The following SPATA33 variants were observed in gnomAD, a reference collection of about 807,000 sequenced individuals.
SPATA33 encodes the protein spermatogenesis-associated protein 33.
In SPATA33, 10 loss-of-function variants were observed where a neutral mutation model predicts 8.9. The ratio of observed to expected loss-of-function variants is 1.12; its 90% CI spans 0.69 to 1.90. SPATA33 has a LOEUF of 1.90. SPATA33 is among the 40% of genes most tolerant of loss of function. The pLI is 0.00. For missense variants in SPATA33, 241 were observed against 178.3 expected (o/e 1.35, Z -2.00); for synonymous variants, 96 against 72.8 (o/e 1.32, Z -1.63).
At chr16:89,663,456 G>A (rs889075837) in intron 2 of SPATA33, among the ~76,000 whole-genome samples, 17 of 152,032 alleles carry the variant, frequency 1.1e-4, no homozygotes, top group Admixed American at 4.6e-4. Flanking sequence ...CAGGTGATCC[G>A]CTTGCCTCAA....
rs1209326942 is a variant in SPATA33 at position 89,658,359 on chromosome 16, T to C, written c.149T>C (p.Val50Ala). 6 of 1,613,510 alleles carry C rather than the reference T, an allele frequency of 3.7e-6. No homozygotes were observed. In the Admixed American group the frequency reaches 6.7e-5, roughly 18 times the overall value. The change falls in exon 2 of 3, where the codon GTG becomes GCG. Residue 50 changes from valine to alanine, a missense_variant. Physicochemically the swap from Val to Ala is moderately conservative, Grantham distance 64 (BLOSUM62 0). Transcript: ENST00000579310. ...GCAGACAGGGAGTCGGAGAAGCCTG[T>C]GGACAGCCTCCACCCGGGGGCCGGG... ...RQADRESEKP[V>A]DSLHPGAGTA...
chr16:89,667,947 G>C (rs1037285914), intron 2 of SPATA33: 8 of 152,396 alleles, frequency 5.2e-5, no homozygotes, highest in South Asian at 2.1e-4. Context: ...TGGGTTGTCA[G>C]AGACCTATAG....
Position 89,669,377 on chromosome 16 carries a change from T to C in SPATA33, c.303T>C (p.Ser101=), listed in dbSNP as rs781768103. ...GAGCGTCGAATGAGACGCTAGTCAG[T>C]TGCAGTTCCAGCGGGAGTGACCAGC... ...ITRASNETLV[S]CSSSGSDQQR... Residue 101 remains serine (S), a synonymous_variant, in exon 3 of 3, where the codon AGT becomes AGC. Transcript: ENST00000579310. 27 of 1,614,218 alleles carry C rather than the reference T, an allele frequency of 1.7e-5. No homozygotes were observed. The South Asian group carries it at 3.0e-4, about 18-fold the overall frequency.
In SPATA33 at chr16:89,669,754, C is replaced by G; in HGVS notation, c.*257C>G. 1 of 508,240 alleles carries G rather than the reference C, an allele frequency of 2.0e-6. No individual in the cohort carries two copies. 31.5% of individuals were successfully genotyped at this position (508,240 alleles called of 1,614,324 possible). A position where few individuals can be genotyped will look rare whatever the true frequency, so the allele number is the denominator to read the frequency against. On this transcript the variant is annotated 3_prime_UTR_variant, in exon 3 of 3. Coordinates refer to ENST00000579310, the MANE Select transcript of SPATA33 (RefSeq NM_001271907.2). ...GAGGGTGCACCAGGCCTGCCCCCGC[C>G]GTGAGAAACTGCAGTCCCCTTCTCC... is the stretch of plus-strand genomic sequence containing the variant.
At chr16:89,663,067 C>A (rs1355048948) in intron 2 of SPATA33, among the ~76,000 whole-genome samples, 1 of 152,006 alleles carries the variant, frequency 6.6e-6, no homozygotes, top group East Asian at 1.9e-4. Context: ...GCCAGTGTTA[C>A]AGGTGTGAGC....
intron 2 of SPATA33, among the ~76,000 whole-genome samples, chr16:89,662,984 G>T (rs1185291169): frequency 6.6e-6 from 1 of 151,050 alleles, no homozygotes; most frequent in East Asian, 2.0e-4. Flanking sequence ...AGTAGAGACG[G>T]GGTTTCACCA....
chr16:89,665,365 G>A lies in SPATA33; in HGVS notation c.212-3921G>A, dbSNP rs2060012460. ...TCGCCACCCAGGCTGGACTGCAATGGTGCATCTCTGCTCACTGCAAGCTCC... is the reference window on the plus strand; with the variant it reads ...TCGCCACCCAGGCTGGACTGCAATGATGCATCTCTGCTCACTGCAAGCTCC... On this transcript the variant is annotated intron_variant, in intron 2 of 2. Coordinates refer to ENST00000579310, the MANE Select transcript of SPATA33 (RefSeq NM_001271907.2). Among the ~76,000 whole-genome samples, 3 of 151,620 alleles carry A rather than the reference G, an allele frequency of 2.0e-5. No individual in the cohort carries two copies. In the South Asian group the frequency reaches 6.2e-4, roughly 32 times the overall value.
rs531084822 is a variant in SPATA33 at position 89,657,874 on chromosome 16, G to T, written c.-38G>T. ...GGCTCCGCGGCCGCGGAGGTGTGGGGACCCGGGCTTGCGTCGGAGGGGGCG... is the reference window on the plus strand; with the variant it reads ...GGCTCCGCGGCCGCGGAGGTGTGGGTACCCGGGCTTGCGTCGGAGGGGGCG... On this transcript the variant is annotated 5_prime_UTR_variant, in exon 1 of 3. Transcript: ENST00000579310. 5.3e-5 allele frequency: 81 copies of T among 1,515,936 alleles called. 1 individual carries two copies. In the South Asian group the frequency reaches 5.7e-4, roughly 11 times the overall value. The allele number at this position is 1,515,936 out of a possible 1,614,324, so 93.9% of individuals were successfully genotyped here.
Position 89,665,432 on chromosome 16 carries a change from A to C in SPATA33, c.212-3854A>C, listed in dbSNP as rs1026918754. Among the ~76,000 whole-genome samples, 5 of 150,570 alleles carry C rather than the reference A, an allele frequency of 3.3e-5. No homozygotes were observed. In the East Asian group the frequency reaches 9.7e-4, roughly 29 times the overall value. On this transcript the variant is annotated intron_variant, in intron 2 of 2. Transcript: ENST00000579310. ...CCATTCTCCTGTCTCAGCCTCCCGC[A>C]TAGCTGGGACTACAGGTGCCTGCCA... is the stretch of plus-strand genomic sequence containing the variant.
chr16:89,663,382 T>C (rs183494486), intron 2 of SPATA33, among the ~76,000 whole-genome samples: 1 of 152,026 alleles, frequency 6.6e-6, no homozygotes, highest in Admixed American at 6.6e-5. Flanking sequence ...CCAGCTAATC[T>C]TTGTATTTTT....
rs953994904 is a variant in SPATA33, at chr16:89,669,938, C to A, written c.*441C>A. 3.3e-5 allele frequency: 6 copies of A among 180,514 alleles called. No individual in the cohort carries two copies. Among genetic ancestry groups the A allele is most frequent in the Non-Finnish European group, 7.0e-5 (6 of 85,846 alleles). 11.2% of individuals were successfully genotyped at this position (180,514 alleles called of 1,614,324 possible). ...TCTCGGGGAGGGTGCACCAGGGCTG[C>A]CCCACGCTGTAAGAAGCCGCCGCCC... On this transcript the variant is annotated 3_prime_UTR_variant, in exon 3 of 3. Transcript: ENST00000579310.
At chr16:89,663,587 G>T (rs763885693) in intron 2 of SPATA33, among the ~76,000 whole-genome samples, 25 of 152,096 alleles carry the variant, frequency 1.6e-4, no homozygotes, top group Non-Finnish European at 3.1e-4. Flanking sequence ...CAAAATTATA[G>T]ACAGGGAGGA....
intron 2 of SPATA33, among the ~76,000 whole-genome samples, chr16:89,663,884 C>T (rs1324521936): frequency 2.6e-5 from 4 of 152,144 alleles, no homozygotes; most frequent in African/African-American, 9.7e-5. Flanking sequence ...TTTGGGAAGC[C>T]TAGGCAGGCA....
intron 2 of SPATA33, chr16:89,667,867 G>T (rs2060047312): frequency 6.6e-6 from 1 of 152,276 alleles, no homozygotes; most frequent in African/African-American, 2.4e-5. Context: ...GTTGGCCTCT[G>T]TGTCTCCCCT....
chr16:89,658,396 C>T lies in SPATA33; in HGVS notation c.186C>T (p.His62=), dbSNP rs371667678. Reference sequence around the variant, plus strand: ...ACCCGGGGGCCGGGACAGCCAAGCACCCGCCGCCGGCAGCTTCGCTGGAAG... The same window carrying T: ...ACCCGGGGGCCGGGACAGCCAAGCATCCGCCGCCGGCAGCTTCGCTGGAAG... The part of the protein sequence containing the change: ...SLHPGAGTAK[H]PPPAASLEEK... The change falls in exon 2 of 3, where the codon CAC becomes CAT. Residue 62 remains histidine, a synonymous_variant. Transcript: ENST00000579310. The T allele has an allele frequency of 5.6e-6, 9 of 1,611,176 alleles. No homozygotes were observed. The highest frequency in any genetic ancestry group is 1.7e-5 in the Admixed American group (1 of 59,608).
intron 2 of SPATA33, among the ~76,000 whole-genome samples, chr16:89,664,777 A>C (rs166297): frequency 6.6e-6 from 1 of 151,772 alleles, no homozygotes; most frequent in African/African-American, 2.4e-5. Flanking sequence ...GCCTCCAACC[A>C]GAATGGGCTT....
At chr16:89,660,270 C>T (rs985624463) in intron 2 of SPATA33, 4 of 377,174 alleles carry the variant, frequency 1.1e-5, no homozygotes, top group Non-Finnish European at 1.9e-5. Context: ...GAAACCTTTC[C>T]CAGGAAGGCT....
chr16:89,664,872 C>A (rs1186042405), intron 2 of SPATA33, among the ~76,000 whole-genome samples: 1 of 152,250 alleles, frequency 6.6e-6, no homozygotes, highest in African/African-American at 2.4e-5. Flanking sequence ...GCTGCACCTG[C>A]ACCCCTGACG....
intron 2 of SPATA33, among the ~76,000 whole-genome samples, chr16:89,667,664 T>C: frequency 6.6e-6 from 1 of 152,032 alleles, no homozygotes; most frequent in Non-Finnish European, 1.5e-5. Flanking sequence ...AGATCCTGTC[T>C]CAAAAAGAAA....
Sources: allele counts gnomAD v4.1 joint callset (sites outside exome capture counted in the v4.1 genomes callset), GRCh38; gene constraint gnomAD v4.1.1; transcripts MANE v1.5; gene names NCBI Gene and HGNC (gene_info 2026-07-23, HGNC 2026-07-21).